COL19A1: variants seen among roughly 807,000 people sequenced by gnomAD.
COL19A1 encodes the protein collagen type XIX alpha 1 chain.
Under a neutral mutation model 190.2 loss-of-function variants are expected in COL19A1, and 159 were observed. That is an observed-to-expected ratio of 0.84 (90% CI 0.73 to 0.95). The LOEUF (loss-of-function observed/expected upper bound fraction) is 0.95, where lower values mean the gene tolerates loss of function less well. Among genes scored for constraint, COL19A1 ranks in the 40% least tolerant of loss-of-function variants. The pLI is 0.00. For missense variants in COL19A1, 1,418 were observed against 1,431.9 expected (o/e 0.99, Z 0.16); for synonymous variants, 509 against 458.9 (o/e 1.11, Z -1.39).
At chr6:70,091,091 T>G (rs11966810) in intron 15 of COL19A1, among the ~76,000 whole-genome samples, 1 of 152,168 alleles carries the variant, frequency 6.6e-6, no homozygotes, top group African/African-American at 2.4e-5. Context: ...TTTTTCTGTA[T>G]TTCCTATCAC....
At chr6:70,191,164 T>C (rs778476600) in intron 48 of COL19A1, among the ~76,000 whole-genome samples, 1 of 152,212 alleles carries the variant, frequency 6.6e-6, no homozygotes, top group Non-Finnish European at 1.5e-5. Context: ...ACTTCAATAA[T>C]TCATCCTAAG....
intron 10 of COL19A1, among the ~76,000 whole-genome samples, chr6:69,961,078 G>A (rs1015868427): frequency 6.6e-6 from 1 of 152,116 alleles, no homozygotes; most frequent in Non-Finnish European, 1.5e-5. Flanking sequence ...AGATAATCCC[G>A]CCGCAGGAGA....
At chr6:69,931,424 T>C (rs1350650544) in intron 6 of COL19A1, among the ~76,000 whole-genome samples, 1 of 152,168 alleles carries the variant, frequency 6.6e-6, no homozygotes, top group Non-Finnish European at 1.5e-5. Flanking sequence ...CCTTTGAAAA[T>C]TGATCATCTA....
intron 16 of COL19A1, among the ~76,000 whole-genome samples, chr6:70,105,447 T>G (rs916548438): frequency 5.3e-5 from 8 of 152,144 alleles, no homozygotes; most frequent in Non-Finnish European, 1.0e-4. Context: ...TGAGCCACCG[T>G]GCCTGGCCAG....
chr6:70,021,401 T>G (rs1484293075), intron 11 of COL19A1, among the ~76,000 whole-genome samples: 1 of 152,188 alleles, frequency 6.6e-6, no homozygotes, highest in African/African-American at 2.4e-5. Flanking sequence ...TTACCATCTA[T>G]GAGAATCATT....
chr6:69,928,419 A>C (rs558334902), intron 5 of COL19A1, among the ~76,000 whole-genome samples: 1 of 152,286 alleles, frequency 6.6e-6, no homozygotes, highest in South Asian at 2.1e-4. Flanking sequence ...TTCATTGGAC[A>C]ACTCTTGGTG....
chr6:69,980,361 G>A (rs1775970645), intron 11 of COL19A1, among the ~76,000 whole-genome samples: 1 of 151,974 alleles, frequency 6.6e-6, no homozygotes, highest in African/African-American at 2.4e-5. Flanking sequence ...TGGCACTACC[G>A]AGTCTATCCA....
chr6:70,200,545 G>C (rs899853914), intron 49 of COL19A1, among the ~76,000 whole-genome samples: 1 of 152,182 alleles, frequency 6.6e-6, no homozygotes, highest in Non-Finnish European at 1.5e-5. Flanking sequence ...AGGATCTCAG[G>C]TTCCTTCCTT....
At chr6:70,116,990 G>A (rs1241351435) in intron 16 of COL19A1, among the ~76,000 whole-genome samples, 3 of 152,198 alleles carry the variant, frequency 2.0e-5, no homozygotes, top group Non-Finnish European at 4.4e-5. Flanking sequence ...GTGGCATCTG[G>A]ATGGCTCAAG....
rs748419367 is a variant in COL19A1, at chr6:69,929,651, A to G, written c.617A>G (p.His206Arg). ...GATGAAAAGGACACTGTGGATTTCC[A>G]TGGACGGACAGTTATTGCTACGCGA... ...QTDEKDTVDF[H>R]GRTVIATRAS... Residue 206 changes from histidine (H) to arginine (R), a missense_variant, in exon 6 of 51, where the codon CAT becomes CGT. His to Arg is a conservative substitution (Grantham distance 29). Coordinates refer to ENST00000620364, the MANE Select transcript of COL19A1 (RefSeq NM_001858.6). 1.2e-6 allele frequency: 2 copies of G among 1,614,022 alleles called. No individual in the cohort carries two copies. Among genetic ancestry groups the G allele is most frequent in the Non-Finnish European group, 1.7e-6 (2 of 1,179,944 alleles).
intron 15 of COL19A1, among the ~76,000 whole-genome samples, chr6:70,075,757 G>A (rs774868699): frequency 2.0e-5 from 3 of 151,368 alleles, no homozygotes; most frequent in East Asian, 1.9e-4. Flanking sequence ...GAGACAAAAC[G>A]CCCTGGAAAG....
intron 14 of COL19A1, among the ~76,000 whole-genome samples, chr6:70,064,996 G>T (rs1240538883): frequency 6.6e-6 from 1 of 152,124 alleles, no homozygotes; most frequent in African/African-American, 2.4e-5. Flanking sequence ...TGCTCATGGA[G>T]AGGAAGAATC....
chr6:70,136,396 C>T (rs539548682), intron 18 of COL19A1, among the ~76,000 whole-genome samples: 22 of 152,194 alleles, frequency 1.4e-4, no homozygotes, highest in African/African-American at 3.6e-4. Flanking sequence ...AAGTGCCCAT[C>T]GGTGGGGCTG....
At chr6:70,025,725 G>T (rs1562097152) in intron 12 of COL19A1, among the ~76,000 whole-genome samples, 1 of 152,206 alleles carries the variant, frequency 6.6e-6, no homozygotes, top group Non-Finnish European at 1.5e-5. Flanking sequence ...CATGTTTGGG[G>T]TAAGTTCCAA....
chr6:69,927,589 A>G (rs1772480377), intron 4 of COL19A1, among the ~76,000 whole-genome samples: 1 of 152,224 alleles, frequency 6.6e-6, no homozygotes, highest in Non-Finnish European at 1.5e-5. Flanking sequence ...AAATCAAGTC[A>G]TACCATTTTA....
chr6:70,004,830 C>T (rs1055631517), intron 11 of COL19A1, among the ~76,000 whole-genome samples: 2 of 147,312 alleles, frequency 1.4e-5, no homozygotes, highest in African/African-American at 2.7e-5. Context: ...TTTAGCTCAG[C>T]GTACTTTTTT....
At chr6:70,137,589 A>G (rs1280255941) in intron 18 of COL19A1, 96 bp from the exon 19 acceptor site, 16 of 1,091,594 alleles carry the variant, frequency 1.5e-5, no homozygotes, top group Non-Finnish European at 2.1e-5. Flanking sequence ...TAAATTGTAT[A>G]GTTAGCAGGA....
intron 14 of COL19A1, 58 bp downstream of exon 14, chr6:70,035,997 A>G (rs1022652351): frequency 2.7e-6 from 4 of 1,487,836 alleles, no homozygotes; most frequent in Admixed American, 3.4e-5. Context: ...TTTATTATCC[A>G]TATTACATCA....
At chr6:70,117,620 G>A (rs1784652545) in intron 16 of COL19A1, among the ~76,000 whole-genome samples, 1 of 152,188 alleles carries the variant, frequency 6.6e-6, no homozygotes. Context: ...ATCCACACCA[G>A]GTTTATAGGC....
Sources: allele counts gnomAD v4.1 joint callset (sites outside exome capture counted in the v4.1 genomes callset), GRCh38; gene constraint gnomAD v4.1.1; transcripts MANE v1.5; gene names NCBI Gene and HGNC (gene_info 2026-07-23, HGNC 2026-07-21).